CD8B2: variants seen among roughly 807,000 people sequenced by gnomAD.
CD8B2 encodes T-cell surface glycoprotein CD8 beta-2 chain.
In CD8B2, 11 loss-of-function variants were observed where a neutral mutation model predicts 23.7. The ratio of observed to expected loss-of-function variants is 0.46; its 90% CI spans 0.29 to 0.77. The LOEUF is 0.77. Among genes scored for constraint, CD8B2 ranks in the 30% least tolerant of loss-of-function variants. CD8B2 has a pLI of 0.09. For missense variants in CD8B2, 197 were observed against 270.5 expected (o/e 0.73, Z 1.91); for synonymous variants, 90 against 109.3 (o/e 0.82, Z 1.10).
chr2:106,494,494 G>A (rs549306479), intron 2 of CD8B2, among the ~76,000 whole-genome samples: 1 of 149,650 alleles, frequency 6.7e-6, no homozygotes, highest in Non-Finnish European at 1.5e-5. Context: ...CTGTCCCCCT[G>A]ACTCTAGAGT....
chr2:106,488,050 T>C (rs1243900550), intron 1 of CD8B2, among the ~76,000 whole-genome samples: 6 of 152,016 alleles, frequency 3.9e-5, no homozygotes, highest in Non-Finnish European at 7.4e-5. Flanking sequence ...TTGCTGGAGT[T>C]GGATGGGGCA....
rs1679297503 is a variant in CD8B2, at chr2:106,496,270, C to T, written c.493+8C>T. 2 of 1,519,608 alleles carry T rather than the reference C, an allele frequency of 1.3e-6. No individual in the cohort carries two copies. The highest frequency in any genetic ancestry group is 2.1e-5 in the Admixed American group (1 of 46,638). 94.1% of individuals were successfully genotyped at this position (1,519,608 alleles called of 1,614,324 possible). A position where few individuals can be genotyped will look rare whatever the true frequency, so the allele number is the denominator to read the frequency against. ...GGCCAGAGACCCAGAAGGGTGAGTT[C>T]CCTATCCCTCTGCACCCTCAGAAAC... On this transcript the variant is annotated splice_region_variant and intron_variant, in intron 3 of 5. Transcript: ENST00000643224.
intron 5 of CD8B2, among the ~76,000 whole-genome samples, chr2:106,505,378 A>G (rs1350382694): frequency 1.3e-5 from 2 of 152,286 alleles, no homozygotes; most frequent in East Asian, 3.9e-4. Flanking sequence ...CCCGTCTGCC[A>G]ATCACCATGT....
intron 3 of CD8B2, among the ~76,000 whole-genome samples, chr2:106,499,652 G>A (rs189077638): frequency 2.6e-5 from 4 of 152,004 alleles, no homozygotes; most frequent in South Asian, 2.1e-4. Context: ...GACCGTTACC[G>A]TAATCTAGTT....
chr2:106,527,646 G>A (rs745312249), intron 5 of CD8B2, among the ~76,000 whole-genome samples: 8 of 152,108 alleles, frequency 5.3e-5, no homozygotes, highest in Non-Finnish European at 8.8e-5. Context: ...TTAGCTGGGC[G>A]TGGTAGCACC....
At chr2:106,487,671 G>A (rs796583825) in intron 1 of CD8B2, among the ~76,000 whole-genome samples, 1 of 152,114 alleles carries the variant, frequency 6.6e-6, no homozygotes, top group Admixed American at 6.5e-5. Context: ...CCGGGGGACC[G>A]GAGAGCCCCT....
At chr2:106,542,630 A>G (rs1046091500) in intron 5 of CD8B2, among the ~76,000 whole-genome samples, 4 of 148,600 alleles carry the variant, frequency 2.7e-5, no homozygotes, top group African/African-American at 9.8e-5. Flanking sequence ...TATGTAATGT[A>G]TAAAATAGGT....
chr2:106,535,817 A>C (rs1326010482), intron 5 of CD8B2, among the ~76,000 whole-genome samples: 2 of 152,158 alleles, frequency 1.3e-5, no homozygotes, highest in East Asian at 3.8e-4. Context: ...TTGCACTGCT[A>C]TAAATACCTG....
At chr2:106,488,663 G>A (rs1414687110) in intron 1 of CD8B2, among the ~76,000 whole-genome samples, 1 of 152,206 alleles carries the variant, frequency 6.6e-6, no homozygotes, top group South Asian at 2.1e-4. Context: ...GGTCCCACAA[G>A]CTGGGTTTTA....
At chr2:106,512,627 T>C (rs1225328878), downstream of CD8B2, among the ~76,000 whole-genome samples, 2 of 151,840 alleles carry the variant, frequency 1.3e-5, no homozygotes, top group African/African-American at 4.8e-5. Context: ...TTATTTTTAG[T>C]AGAGATGAGG....
At chr2:106,538,069 TGCAC>T (rs1680116353) in intron 5 of CD8B2, 1 of 152,234 alleles carries the variant, frequency 6.6e-6, no homozygotes, top group South Asian at 2.1e-4. Context: ...TCAAAGTGTT[TGCAC>T]GCATCTGGGT....
intron 3 of CD8B2, 22 bp from the exon 4 acceptor site, chr2:106,502,452 A>T (rs1049580241): frequency 7.1e-7 from 1 of 1,418,222 alleles, no homozygotes; most frequent in African/African-American, 1.4e-5. Flanking sequence ...TGTTGAACAC[A>T]TGTCACATGT....
At chr2:106,487,915 T>TG (rs1436430942) in intron 1 of CD8B2, among the ~76,000 whole-genome samples, 2 of 151,950 alleles carry the variant, frequency 1.3e-5, no homozygotes, top group African/African-American at 2.4e-5. Flanking sequence ...CAGACAAACA[T>TG]GGGGCGTTCT....
chr2:106,540,523 T>G (rs1040711306), intron 5 of CD8B2, among the ~76,000 whole-genome samples: 5 of 151,938 alleles, frequency 3.3e-5, no homozygotes. Flanking sequence ...ACTTTCACAG[T>G]CTTGAGGGGG....
chr2:106,515,969 C>G (rs376448033), downstream of CD8B2, among the ~76,000 whole-genome samples: 19 of 152,036 alleles, frequency 1.2e-4, no homozygotes, highest in African/African-American at 4.1e-4. Flanking sequence ...ATTACAAGCA[C>G]CCACCACCAT....
chr2:106,543,848 A>G (rs1412349502), intron 5 of CD8B2: 2 of 394,372 alleles, frequency 5.1e-6, no homozygotes, highest in Non-Finnish European at 8.9e-6. Context: ...CAAGCTTTCT[A>G]TGAGTTTCAC....
rs1449466709 is a variant in CD8B2, at chr2:106,509,597, C to T, written c.*2657C>T. 2 of 151,844 alleles carry T rather than the reference C, an allele frequency of 1.3e-5. No individual in the cohort carries two copies. Among genetic ancestry groups the T allele is most frequent in the African/African-American group, 2.4e-5 (1 of 41,274 alleles). 9.4% of individuals were successfully genotyped at this position (151,844 alleles called of 1,614,324 possible). A position where few individuals can be genotyped will look rare whatever the true frequency, so the allele number is the denominator to read the frequency against. ...GGGGCAGGGGTGGTTTGTGCTCCTC[C>T]GTCAGTTTTCTGTGCAGCAGGCACC... is the stretch of plus-strand genomic sequence containing the variant. On this transcript the variant is annotated 3_prime_UTR_variant, in exon 6 of 6. Transcript: ENST00000643224.
intron 5 of CD8B2, among the ~76,000 whole-genome samples, chr2:106,537,661 G>C (rs1382580626): frequency 1.3e-5 from 2 of 152,130 alleles, no homozygotes; most frequent in Non-Finnish European, 2.9e-5. Context: ...TGGAATGCCC[G>C]AGGAAGCGAC....
At chr2:106,533,486 G>A (rs1028433185) in intron 5 of CD8B2, among the ~76,000 whole-genome samples, 49 of 152,108 alleles carry the variant, frequency 3.2e-4, no homozygotes, top group African/African-American at 9.9e-4. Flanking sequence ...CTATGCCTCA[G>A]AGACCCCGTG....
Sources: allele counts gnomAD v4.1 joint callset (sites outside exome capture counted in the v4.1 genomes callset), GRCh38; gene constraint gnomAD v4.1.1; transcripts MANE v1.5; gene names NCBI Gene and HGNC (gene_info 2026-07-23, HGNC 2026-07-21).